EYA1: variants seen among roughly 807,000 people sequenced by gnomAD.
The protein encoded by EYA1 is protein phosphatase EYA1.
A neutral mutation model predicts 82.0 loss-of-function variants in EYA1; 16 were observed. That is an observed-to-expected ratio of 0.20 (90% CI 0.13 to 0.30). EYA1 has a LOEUF of 0.30. Among genes scored for constraint, EYA1 ranks in the 10% least tolerant of loss-of-function variants. The probability of loss-of-function intolerance (pLI) is 1.00; values close to 1 mark genes in which losing one functional copy is unlikely to be tolerated. For synonymous variants in EYA1, 261 were observed against 264.4 expected (o/e 0.99, Z 0.12); for missense variants, 633 against 730.7 (o/e 0.87, Z 1.54).
chr8:71,205,093 T>C (rs1807586539), intron 17 of EYA1, among the ~76,000 whole-genome samples: 1 of 152,208 alleles, frequency 6.6e-6, no homozygotes, highest in African/African-American at 2.4e-5. Context: ...AATTGGGCAT[T>C]ATTAATCAGG....
chr8:71,354,358 G>A (rs922069962), intron 3 of EYA1, among the ~76,000 whole-genome samples: 35 of 152,088 alleles, frequency 2.3e-4, no homozygotes, highest in African/African-American at 6.5e-4. Context: ...CCAGTCCAAC[G>A]TCTACATTTA....
rs71264548 is a variant in EYA1 at position 71,245,535 on chromosome 8, A to AT, written c.1051-844dup. Among the ~76,000 whole-genome samples, 827 of 145,740 alleles carry AT rather than the reference A, an allele frequency of 5.7e-3. 6 individuals carry two copies. Among genetic ancestry groups the AT allele is most frequent in the African/African-American group, 0.018 (706 of 39,744 alleles). On this transcript the variant is annotated intron_variant, in intron 11 of 17. Transcript: ENST00000340726. ...GCCACTGCGCCCGGCCTAAGTGATG[A>AT]TTTTTTTTTTTTTTAGCTCATCAGC...
At chr8:71,244,726 A>AACCTGAAG in intron 11 of EYA1, 34 bp from the exon 12 acceptor site, 2 of 1,243,826 alleles carry the variant, frequency 1.6e-6, no homozygotes, top group Non-Finnish European at 1.2e-6. Flanking sequence ...AAGAACATGT[A>AACCTGAAG]TACTTCAGGT....
chr8:71,425,036 G>A (rs905952850), intron 2 of EYA1, among the ~76,000 whole-genome samples: 7 of 146,440 alleles, frequency 4.8e-5, no homozygotes, highest in African/African-American at 7.6e-5. Flanking sequence ...CGAGACGGGC[G>A]GATCACGAGG....
At chr8:71,483,659 GTA>G (rs948768033) in intron 2 of EYA1, among the ~76,000 whole-genome samples, 7 of 149,936 alleles carry the variant, frequency 4.7e-5, no homozygotes, top group African/African-American at 1.8e-4. Context: ...AGCGTCAATG[GTA>G]TGTGTGTGTG....
chr8:71,522,357 T>C (rs1255192321), intron 2 of EYA1, among the ~76,000 whole-genome samples: 1 of 152,186 alleles, frequency 6.6e-6, no homozygotes. Flanking sequence ...GAGTCTCCAA[T>C]AGATTATCAC....
At chr8:71,378,169 T>C (rs922266830) in intron 2 of EYA1, among the ~76,000 whole-genome samples, 3 of 152,160 alleles carry the variant, frequency 2.0e-5, no homozygotes, top group African/African-American at 2.4e-5. Flanking sequence ...TATTTTCTTT[T>C]CTCAGCAATT....
At chr8:71,209,071 TG>T (rs1362825768) in intron 17 of EYA1, among the ~76,000 whole-genome samples, 4 of 152,228 alleles carry the variant, frequency 2.6e-5, no homozygotes, top group Admixed American at 2.6e-4. Flanking sequence ...AGGACCAGCC[TG>T]GAGATGGCTT....
At chr8:71,451,159 T>A (rs953973915) in intron 2 of EYA1, among the ~76,000 whole-genome samples, 3 of 152,224 alleles carry the variant, frequency 2.0e-5, no homozygotes, top group Non-Finnish European at 4.4e-5. Flanking sequence ...TGGAAAATGA[T>A]TTGGCACTAT....
chr8:71,468,494 C>T (rs1444283797), intron 2 of EYA1, among the ~76,000 whole-genome samples: 1 of 152,128 alleles, frequency 6.6e-6, no homozygotes, highest in African/African-American at 2.4e-5. Context: ...CTGGTTAGAA[C>T]TTGTCTAACG....
intron 4 of EYA1, among the ~76,000 whole-genome samples, chr8:71,322,886 T>A (rs952380802): frequency 2.0e-5 from 3 of 152,174 alleles, no homozygotes; most frequent in Admixed American, 1.3e-4. Flanking sequence ...TGGGTCTTCC[T>A]TTGCCTTTTA....
At chr8:71,268,363 C>A (rs911499885) in intron 11 of EYA1, among the ~76,000 whole-genome samples, 4 of 152,170 alleles carry the variant, frequency 2.6e-5, no homozygotes, top group African/African-American at 9.7e-5. Context: ...CTTCAAGGTT[C>A]TGCCTACTAA....
intron 2 of EYA1, among the ~76,000 whole-genome samples, chr8:71,495,600 A>C (rs1811355722): frequency 6.6e-6 from 1 of 152,212 alleles, no homozygotes; most frequent in Non-Finnish European, 1.5e-5. Context: ...CGACAGACCA[A>C]GACTCTGTCT....
At chr8:71,313,787 C>T (rs998498293) in intron 7 of EYA1, among the ~76,000 whole-genome samples, 40 of 152,156 alleles carry the variant, frequency 2.6e-4, no homozygotes, top group Non-Finnish European at 5.0e-4. Context: ...TCCAGTCTTT[C>T]TAAGTCTGAT....
chr8:71,294,934 T>A (rs1579824), intron 9 of EYA1, among the ~76,000 whole-genome samples: 88,898 of 151,924 alleles, frequency 0.59, 26,663 homozygotes, highest in East Asian at 0.83. Context: ...AAATAGCCCC[T>A]CTTAAATACA....
intron 10 of EYA1, among the ~76,000 whole-genome samples, chr8:71,270,031 A>G (rs1465853688): frequency 6.6e-6 from 1 of 152,222 alleles, no homozygotes; most frequent in Non-Finnish European, 1.5e-5. Context: ...GGATAATTAC[A>G]TTTGTAATGT....
At chr8:71,353,640 T>C (rs895985247) in intron 3 of EYA1, among the ~76,000 whole-genome samples, 2 of 152,238 alleles carry the variant, frequency 1.3e-5, no homozygotes, top group African/African-American at 4.8e-5. Context: ...TGATTTTATA[T>C]CTTTCCTATT....
At chr8:71,412,575 G>A (rs947199418) in intron 2 of EYA1, among the ~76,000 whole-genome samples, 2 of 152,212 alleles carry the variant, frequency 1.3e-5, no homozygotes, top group Admixed American at 6.5e-5. Context: ...AAAGTAATAC[G>A]GGAGGAGTGG....
intron 3 of EYA1, among the ~76,000 whole-genome samples, chr8:71,341,667 T>C (rs1825137139): frequency 6.6e-6 from 1 of 152,196 alleles, no homozygotes; most frequent in Admixed American, 6.5e-5. Flanking sequence ...TCCTTTATGT[T>C]TGGATTGGCT....
Sources: gnomAD v4.1 joint callset for allele counts (sites outside exome capture counted in the v4.1 genomes callset) on GRCh38, gnomAD v4.1.1 for gene constraint, MANE v1.5 for transcripts, NCBI Gene and HGNC (gene_info 2026-07-23, HGNC 2026-07-21) for gene names.